TNRC6A: variants seen among roughly 807,000 people sequenced by gnomAD.
TNRC6A encodes the protein trinucleotide repeat containing adaptor 6A.
Under a neutral mutation model 221.2 loss-of-function variants are expected in TNRC6A, and 44 were observed. The ratio of observed to expected loss-of-function variants is 0.20; its 90% CI spans 0.16 to 0.26. The LOEUF (loss-of-function observed/expected upper bound fraction) is 0.26. Among genes scored for constraint, TNRC6A ranks in the 10% least tolerant of loss-of-function variants. The pLI, the probability that TNRC6A is intolerant of heterozygous loss-of-function variation, is 1.00. For missense variants in TNRC6A, 2,199 were observed against 2,404.4 expected, an observed-to-expected ratio of 0.91 and a Z score of 1.79; for synonymous variants, 847 against 838.5, an observed-to-expected ratio of 1.01 and a Z score of -0.18.
At chr16:24,701,809 A>T (rs1231544248) in intron 2 of TNRC6A, among the ~76,000 whole-genome samples, 1 of 152,206 alleles carries the variant, frequency 6.6e-6, no homozygotes, top group Admixed American at 6.5e-5. Flanking sequence ...ACTAATTGGT[A>T]TCTGAACCCA....
At position 24,730,302 on chromosome 16, in the gene TNRC6A, TA is replaced by T; in HGVS notation, c.53+4del. The stretch of plus-strand genomic sequence containing the variant: ...AGACGTAGAAAGAAATCTTAGCAGG[TA>T]AGATGGGCGAGCTTTCCGTCTCCCG... On this transcript the variant is annotated splice_donor_region_variant and intron_variant, in intron 2 of 24. Transcript: ENST00000395799. 2 of 1,602,972 alleles carry T rather than the reference TA, an allele frequency of 1.2e-6. No homozygotes were observed. Among genetic ancestry groups the T allele is most frequent in the Admixed American group, 1.7e-5 (1 of 58,456 alleles).
chr16:24,729,915 C>CGGCGGCGGCAGCAGA, intron 1 of TNRC6A, 69 bp downstream of exon 1: 3 of 1,191,904 alleles, frequency 2.5e-6, no homozygotes, highest in Non-Finnish European at 3.1e-6. Context: ...CCGCAACCCG[C>CGGCGGCGGCAGCAGA]GGCGGCGGCA....
chr16:24,753,696 A>G (rs924316580), intron 3 of TNRC6A, among the ~76,000 whole-genome samples: 1 of 152,240 alleles, frequency 6.6e-6, no homozygotes, highest in Non-Finnish European at 1.5e-5. Context: ...AGGTGTATCC[A>G]GGCAGATATC....
At chr16:24,691,958 A>G (rs2055764211) in intron 2 of TNRC6A, among the ~76,000 whole-genome samples, 2 of 152,154 alleles carry the variant, frequency 1.3e-5, no homozygotes, top group Admixed American at 1.3e-4. Context: ...GGATATATTC[A>G]TATATTATGT....
rs1555502170 is a variant in TNRC6A, at chr16:24,771,582, T to TTGTGATGTGATGTTATGTTA, written c.164-5348_164-5347insGATGTGATGTTATGTTATGT. On this transcript the variant is annotated intron_variant, in intron 4 of 24. Coordinates refer to ENST00000395799, the MANE Select transcript of TNRC6A (RefSeq NM_014494.4). ...ATGTTTTATGTTATGTTATGTTATG[T>TTGTGATGTGATGTTATGTTA]TGTTATGTTATGTTATGTTATGTTA... Among the ~76,000 whole-genome samples, 51 of 95,552 alleles carry TTGTGATGTGATGTTATGTTA rather than the reference T, an allele frequency of 5.3e-4. 2 individuals are homozygous for TTGTGATGTGATGTTATGTTA. In the South Asian group the frequency reaches 0.016, roughly 29 times the overall value. The allele number at this position is 95,552 out of a possible 152,430, so 62.7% of individuals were successfully genotyped here. A position where few individuals can be genotyped will look rare whatever the true frequency, so the allele number is the denominator to read the frequency against.
At chr16:24,630,178 C>T (rs1264871700) in intron 1 of TNRC6A, among the ~76,000 whole-genome samples, 5 of 152,190 alleles carry the variant, frequency 3.3e-5, no homozygotes, top group African/African-American at 1.2e-4. Context: ...AATCTGCTTT[C>T]TCTCCTTTTA....
chr16:24,641,779 A>G (rs182179358), intron 2 of TNRC6A, among the ~76,000 whole-genome samples: 1 of 152,220 alleles, frequency 6.6e-6, no homozygotes, highest in East Asian at 1.9e-4. Context: ...CATTCATTCG[A>G]TGATTTTTTA....
At chr16:24,639,542 CAGT>C (rs1901822438) in intron 1 of TNRC6A, among the ~76,000 whole-genome samples, 1 of 152,136 alleles carries the variant, frequency 6.6e-6, no homozygotes, top group Non-Finnish European at 1.5e-5. Context: ...AGGAGAAAAT[CAGT>C]AGACAGAAAT....
intron 1 of TNRC6A, among the ~76,000 whole-genome samples, chr16:24,616,692 A>AAT (rs1900368021): frequency 6.6e-6 from 1 of 152,148 alleles, no homozygotes; most frequent in Non-Finnish European, 1.5e-5. Context: ...GCACTTTGGG[A>AAT]GGCTGAGAGG....
chr16:24,684,566 G>A (rs560665172), intron 2 of TNRC6A, among the ~76,000 whole-genome samples: 1 of 152,282 alleles, frequency 6.6e-6, no homozygotes, highest in African/African-American at 2.4e-5. Context: ...AGTGCTTTGG[G>A]AAACCAAGAT....
intron 2 of TNRC6A, chr16:24,662,405 G>A (rs937958853): frequency 2.0e-5 from 3 of 151,940 alleles, no homozygotes; most frequent in South Asian, 2.1e-4. Flanking sequence ...AATCACTTGA[G>A]CGTGGGAGGC....
chr16:24,697,658 C>T (rs944713969), intron 2 of TNRC6A, among the ~76,000 whole-genome samples: 4 of 152,150 alleles, frequency 2.6e-5, no homozygotes, highest in Non-Finnish European at 4.4e-5. Context: ...GTACTCCAGC[C>T]TGGGCAACAG....
chr16:24,776,701 C>T (rs1159643033), intron 4 of TNRC6A: 1 of 985,256 alleles, frequency 1.0e-6, no homozygotes, highest in African/African-American at 1.7e-5. Flanking sequence ...GTTGTCTTGG[C>T]CGAAGGTCCC....
At position 24,730,526 on chromosome 16, in the gene TNRC6A, T is replaced by G. The variant is rs1488465955; in HGVS notation, c.53+226T>G. 2.0e-5 allele frequency among the ~76,000 whole-genome samples: 3 copies of G among 151,628 alleles called. No homozygotes were observed. In the East Asian group the frequency reaches 5.8e-4, roughly 29 times the overall value. ...AAAAAAAAAAAAAGCGCAAAGCAAT[T>G]CTTGTAAACTTAGTTAAAGCATTCT... On this transcript the variant is annotated intron_variant, in intron 2 of 24. Transcript: ENST00000395799.
chr16:24,781,812 C>G (rs367866869), intron 5 of TNRC6A, among the ~76,000 whole-genome samples: 3 of 151,984 alleles, frequency 2.0e-5, no homozygotes, highest in African/African-American at 7.2e-5. Context: ...TTACTGTACT[C>G]TGCTGATTTT....
At chr16:24,660,739 C>CTTTTTTTTTTTTTT (rs58299677) in intron 2 of TNRC6A, among the ~76,000 whole-genome samples, 81 of 91,294 alleles carry the variant, frequency 8.9e-4, no homozygotes, top group African/African-American at 2.0e-3. Context: ...TTTTTTTTTT[C>CTTTTTTTTTTTTTT]TTTTTTTTTT....
At position 24,820,123 on chromosome 16, in the gene TNRC6A, T is replaced by G. The variant is rs775344625; in HGVS notation, c.5081-16T>G. On this transcript the variant is annotated splice_polypyrimidine_tract_variant and intron_variant, in intron 21 of 24. Transcript: ENST00000395799. ...ACATTATTCCTCCCCTCTCCATTTT[T>G]TCCCCCTTTGAGTAGCCAGAAATAG... is the stretch of plus-strand genomic sequence containing the variant. The G allele has an allele frequency of 6.2e-7, 1 of 1,609,468 alleles. No homozygotes were observed. The highest frequency in any genetic ancestry group is 2.2e-5 in the East Asian group (1 of 44,800).
chr16:24,761,437 G>A (rs776608825), intron 4 of TNRC6A, among the ~76,000 whole-genome samples: 15 of 152,094 alleles, frequency 9.9e-5, no homozygotes, highest in Non-Finnish European at 1.6e-4. Context: ...GATGCCCTGT[G>A]GTATATGTAA....
chr16:24,633,197 T>C (rs914512379), intron 1 of TNRC6A, among the ~76,000 whole-genome samples: 21 of 152,206 alleles, frequency 1.4e-4, no homozygotes, highest in Admixed American at 1.0e-3. Flanking sequence ...TTACCATATA[T>C]GCAGCTGCTT....
Sources: allele counts gnomAD v4.1 joint callset (sites outside exome capture counted in the v4.1 genomes callset), GRCh38; gene constraint gnomAD v4.1.1; transcripts MANE v1.5; gene names NCBI Gene and HGNC (gene_info 2026-07-23, HGNC 2026-07-21).